The following SOHLH2 variants were observed in gnomAD, a reference collection of about 807,000 sequenced individuals.
SOHLH2 encodes spermatogenesis- and oogenesis-specific basic helix-loop-helix-containing protein 2.
A neutral mutation model predicts 50.4 loss-of-function variants in SOHLH2; 22 were observed. That is an observed-to-expected ratio of 0.44 (90% CI 0.31 to 0.62). The LOEUF is 0.62. SOHLH2 is among the 20% of genes least tolerant of loss of function. SOHLH2 has a pLI of 0.08. For missense variants in SOHLH2, 412 were observed against 504.4 expected (o/e 0.82, Z 1.76); for synonymous variants, 185 against 187.3 (o/e 0.99, Z 0.10).
At chr13:36,169,642 C>A (rs1464863483) in intron 10 of SOHLH2, among the ~76,000 whole-genome samples, 1 of 152,184 alleles carries the variant, frequency 6.6e-6, no homozygotes, top group Admixed American at 6.5e-5. Context: ...TTAAAGTTAA[C>A]AGAAGTCCAT....
intron 2 of SOHLH2, among the ~76,000 whole-genome samples, chr13:36,197,268 G>A (rs114098655): frequency 2.0e-5 from 3 of 152,250 alleles, no homozygotes; most frequent in African/African-American, 7.2e-5. Flanking sequence ...TTTGAGATTG[G>A]ATACTGATAT....
At chr13:36,204,631 T>A (rs1868643932) in intron 1 of SOHLH2, among the ~76,000 whole-genome samples, 1 of 152,184 alleles carries the variant, frequency 6.6e-6, no homozygotes, top group Non-Finnish European at 1.5e-5. Context: ...GACTTCATTC[T>A]GATCCACTGA....
At chr13:36,203,947 T>C (rs1168348301) in intron 1 of SOHLH2, among the ~76,000 whole-genome samples, 2 of 122,914 alleles carry the variant, frequency 1.6e-5, no homozygotes, top group Non-Finnish European at 3.2e-5. Flanking sequence ...TTTAATTCTT[T>C]TTTTTTGTTT....
chr13:36,200,457 G>C (rs1280635878), intron 2 of SOHLH2, among the ~76,000 whole-genome samples: 1 of 152,096 alleles, frequency 6.6e-6, no homozygotes, highest in Non-Finnish European at 1.5e-5. Context: ...TAACTTGATG[G>C]CTTGGGCTTC....
intron 1 of SOHLH2, among the ~76,000 whole-genome samples, chr13:36,210,590 T>C (rs1165176776): frequency 1.3e-5 from 2 of 152,172 alleles, no homozygotes; most frequent in African/African-American, 4.8e-5. Flanking sequence ...CTTGAAGGAA[T>C]CATCACATTT....
At chr13:36,204,193 C>T (rs748375058) in intron 1 of SOHLH2, among the ~76,000 whole-genome samples, 5 of 151,964 alleles carry the variant, frequency 3.3e-5, no homozygotes, top group South Asian at 2.1e-4. Context: ...TCGGGTGATC[C>T]GCCCACCTTG....
rs1383997531 is a variant in SOHLH2, at chr13:36,168,915, A to T, written c.*119T>A. On this transcript the variant is annotated 3_prime_UTR_variant, in exon 11 of 11. Transcript: ENST00000379881. Reference sequence around the variant, plus strand: ...ATTTATCAGAAGCCAAACCATGCCAACTCTTTTGATATTAGGTCTTTGGGT... The same window carrying T: ...ATTTATCAGAAGCCAAACCATGCCATCTCTTTTGATATTAGGTCTTTGGGT... The T allele has an allele frequency of 6.8e-7, 1 of 1,460,408 alleles. No individual in the cohort carries two copies. The highest frequency in any genetic ancestry group is 9.1e-7 in the Non-Finnish European group (1 of 1,103,840). 90.5% of individuals were successfully genotyped at this position (1,460,408 alleles called of 1,614,324 possible). A position where few individuals can be genotyped will look rare whatever the true frequency, so the allele number is the denominator to read the frequency against.
intron 5 of SOHLH2, among the ~76,000 whole-genome samples, chr13:36,190,822 C>T (rs1887552071): frequency 6.6e-6 from 1 of 152,134 alleles, no homozygotes; most frequent in Non-Finnish European, 1.5e-5. Context: ...AGGGTTAATA[C>T]GGCAAGCCTC....
intron 2 of SOHLH2, among the ~76,000 whole-genome samples, 196 bp from the exon 3 acceptor site, chr13:36,194,063 TAAA>T (rs1887652049): frequency 6.6e-6 from 1 of 150,964 alleles, no homozygotes; most frequent in Admixed American, 6.6e-5. Context: ...CACTTTTTCT[TAAA>T]AATGAAAAAA....
At chr13:36,214,068 A>T (rs1480126840) in intron 1 of SOHLH2, among the ~76,000 whole-genome samples, 1 of 150,392 alleles carries the variant, frequency 6.6e-6, no homozygotes, top group African/African-American at 2.4e-5. Context: ...TAGTTGGAGA[A>T]TTCACATTTA....
At chr13:36,200,237 CT>C (rs1887857432) in intron 2 of SOHLH2, among the ~76,000 whole-genome samples, 1 of 152,046 alleles carries the variant, frequency 6.6e-6, no homozygotes, top group Non-Finnish European at 1.5e-5. Context: ...AGGGAACTCC[CT>C]TTTTTTAAGG....
intron 10 of SOHLH2, among the ~76,000 whole-genome samples, chr13:36,170,256 C>G (rs1886925660): frequency 6.6e-6 from 1 of 152,094 alleles, no homozygotes; most frequent in South Asian, 2.1e-4. Flanking sequence ...GCAATCAGTG[C>G]TAGGGGAGAT....
intron 6 of SOHLH2, among the ~76,000 whole-genome samples, chr13:36,176,184 T>C (rs973698400): frequency 4.6e-5 from 7 of 152,200 alleles, no homozygotes; most frequent in South Asian, 2.1e-4. Flanking sequence ...AAAGTAGAAG[T>C]GAAGCCTAGG....
chr13:36,192,624 A>C, intron 4 of SOHLH2, among the ~76,000 whole-genome samples: 1 of 152,294 alleles, frequency 6.6e-6, no homozygotes, highest in African/African-American at 2.4e-5. Context: ...AATCATCTTA[A>C]TTTTGCCAGC....
intron 5 of SOHLH2, among the ~76,000 whole-genome samples, chr13:36,191,409 G>A (rs1172813592): frequency 1.3e-5 from 2 of 152,224 alleles, no homozygotes; most frequent in Non-Finnish European, 2.9e-5. Context: ...AGTAGTAGGT[G>A]TATAACAGGT....
chr13:36,188,488 C>T (rs1887488476), intron 6 of SOHLH2, among the ~76,000 whole-genome samples: 2 of 152,166 alleles, frequency 1.3e-5, no homozygotes, highest in Admixed American at 1.3e-4. Context: ...TCCTGTCTTT[C>T]TTTCTGCAAT....
chr13:36,172,837 TGAGAGGCTGAGGA>T lies in SOHLH2; in HGVS notation c.1000+842_1000+854del, dbSNP rs1376185211. Among the ~76,000 whole-genome samples the T allele has an allele frequency of 9.2e-5, 14 of 152,274 alleles. No homozygotes were observed. In the East Asian group the frequency reaches 2.7e-3, roughly 29 times the overall value. ...GGAAGTCAGAAGTGTCATCTAGGAC[TGAGAGGCTGAGGA>T]GAGAGGCAGTCCTGTCATCTAGCGT... is the stretch of plus-strand genomic sequence containing the variant. On this transcript the variant is annotated intron_variant, in intron 9 of 10. Coordinates refer to ENST00000379881, the MANE Select transcript of SOHLH2 (RefSeq NM_017826.3).
At chr13:36,185,919 G>A (rs748154752) in intron 6 of SOHLH2, among the ~76,000 whole-genome samples, 20 of 152,090 alleles carry the variant, frequency 1.3e-4, no homozygotes, top group African/African-American at 1.9e-4. Flanking sequence ...TGACTTCACC[G>A]TTGAATCCTA....
chr13:36,177,274 A>G (rs985034572), intron 6 of SOHLH2, among the ~76,000 whole-genome samples: 1 of 152,124 alleles, frequency 6.6e-6, no homozygotes, highest in African/African-American at 2.4e-5. Flanking sequence ...TCACTGAGCA[A>G]CAGTATTCAA....
Sources: allele counts gnomAD v4.1 joint callset (sites outside exome capture counted in the v4.1 genomes callset), GRCh38; gene constraint gnomAD v4.1.1; transcripts MANE v1.5; gene names NCBI Gene and HGNC (gene_info 2026-07-23, HGNC 2026-07-21).